Variants in STPG2 observed in about 807,000 individuals in gnomAD.
STPG2 encodes the protein sperm tail PG-rich repeat containing 2.
Under a neutral mutation model 54.2 loss-of-function variants are expected in STPG2, and 56 were observed. The observed-to-expected ratio is 1.03, with a 90% confidence interval of 0.83 to 1.29. The LOEUF (loss-of-function observed/expected upper bound fraction) is 1.29, where lower values mean the gene tolerates loss of function less well. STPG2 is among the 50% of genes most tolerant of loss of function. The probability of loss-of-function intolerance (pLI) is 0.00; values close to 1 mark genes in which losing one functional copy is unlikely to be tolerated. For missense variants in STPG2, 596 were observed against 544.9 expected, an observed-to-expected ratio of 1.09 and a Z score of -0.93; for synonymous variants, 200 against 181.8, an observed-to-expected ratio of 1.10 and a Z score of -0.81.
At chr4:97,584,622 A>G (rs1732946579) in intron 10 of STPG2, among the ~76,000 whole-genome samples, 1 of 152,002 alleles carries the variant, frequency 6.6e-6, no homozygotes, top group African/African-American at 2.4e-5. Flanking sequence ...CAAAAATGAT[A>G]GACCATTAGC....
chr4:97,900,891 T>A (rs1215787350), intron 8 of STPG2, among the ~76,000 whole-genome samples: 5 of 152,042 alleles, frequency 3.3e-5, no homozygotes, highest in Non-Finnish European at 7.4e-5. Context: ...TTTACCTATG[T>A]AACAAACCTT....
chr4:97,483,994 C>A (rs1174268469), intron 4 of STPG2, among the ~76,000 whole-genome samples: 3 of 151,702 alleles, frequency 2.0e-5, no homozygotes, highest in Non-Finnish European at 3.0e-5. Context: ...AAAACTAAAT[C>A]AAGTTGGAAA....
At chr4:97,961,985 A>C (rs1039058884) in intron 7 of STPG2, among the ~76,000 whole-genome samples, 3 of 152,188 alleles carry the variant, frequency 2.0e-5, no homozygotes, top group Admixed American at 6.5e-5. Flanking sequence ...TGAGTGGATA[A>C]AGAAACTGTG....
intron 9 of STPG2, among the ~76,000 whole-genome samples, chr4:97,751,220 G>A (rs1725572293): frequency 6.6e-6 from 1 of 151,784 alleles, no homozygotes; most frequent in Non-Finnish European, 1.5e-5. Flanking sequence ...CTGGAACATT[G>A]TGCCTAGTTC....
chr4:97,821,267 G>C (rs1375809030), intron 9 of STPG2, among the ~76,000 whole-genome samples: 3 of 152,112 alleles, frequency 2.0e-5, no homozygotes, highest in African/African-American at 7.2e-5. Flanking sequence ...AAATCTTAAG[G>C]CTCCAAAATA....
intron 7 of STPG2, among the ~76,000 whole-genome samples, chr4:97,962,132 T>A (rs375373138): frequency 1.3e-5 from 2 of 152,184 alleles, no homozygotes; most frequent in Admixed American, 6.5e-5. Flanking sequence ...TCTTATGTTC[T>A]CATTCATATG....
intron 5 of STPG2, among the ~76,000 whole-genome samples, chr4:98,096,314 C>T (rs567733848): frequency 6.6e-6 from 1 of 152,150 alleles, no homozygotes; most frequent in Admixed American, 6.6e-5. Flanking sequence ...GGAGGATCAC[C>T]TGAGCCCAGG....
At chr4:97,715,754 T>C (rs996443368) in intron 9 of STPG2, among the ~76,000 whole-genome samples, 6 of 152,128 alleles carry the variant, frequency 3.9e-5, no homozygotes, top group South Asian at 2.1e-4. Context: ...GAAGAAAACC[T>C]AGGCAATACC....
intron 8 of STPG2, among the ~76,000 whole-genome samples, chr4:97,936,457 G>A (rs534643729): frequency 5.3e-5 from 8 of 152,126 alleles, no homozygotes; most frequent in East Asian, 1.9e-4. Context: ...AAATTAATGC[G>A]GTTTCTTCAT....
chr4:97,699,269 T>C (rs1723689147), intron 10 of STPG2, among the ~76,000 whole-genome samples: 2 of 152,200 alleles, frequency 1.3e-5, no homozygotes, highest in African/African-American at 4.8e-5. Flanking sequence ...GGCCACTTTG[T>C]TCATGGGCCC....
At chr4:97,951,486 C>G (rs574333160) in intron 7 of STPG2, among the ~76,000 whole-genome samples, 1 of 152,102 alleles carries the variant, frequency 6.6e-6, no homozygotes, top group African/African-American at 2.4e-5. Flanking sequence ...TTTTATTTGA[C>G]TGTGTTTTTT....
intron 4 of STPG2, among the ~76,000 whole-genome samples, chr4:97,477,420 T>G (rs888931230): frequency 1.3e-5 from 2 of 152,034 alleles, no homozygotes; most frequent in African/African-American, 4.8e-5. Context: ...TTTTATATCA[T>G]TGTAATCTAT....
chr4:98,029,997 CT>C (rs1204551194), intron 5 of STPG2, among the ~76,000 whole-genome samples: 1 of 152,076 alleles, frequency 6.6e-6, no homozygotes, highest in Non-Finnish European at 1.5e-5. Flanking sequence ...TGTCTTTCAC[CT>C]TGGAGGGGAT....
chr4:97,905,254 T>A (rs1354771259), intron 8 of STPG2, among the ~76,000 whole-genome samples: 1 of 152,186 alleles, frequency 6.6e-6, no homozygotes, highest in Non-Finnish European at 1.5e-5. Flanking sequence ...TAACAGCGGA[T>A]GTCTCGGCAG....
At chr4:97,603,647 C>T (rs1733521647) in intron 10 of STPG2, among the ~76,000 whole-genome samples, 1 of 151,304 alleles carries the variant, frequency 6.6e-6, no homozygotes, top group South Asian at 2.1e-4. Flanking sequence ...ATATAAAATG[C>T]AATATTATTC....
chr4:98,085,257 C>T (rs1738470239), intron 5 of STPG2, among the ~76,000 whole-genome samples: 1 of 152,010 alleles, frequency 6.6e-6, no homozygotes, highest in Non-Finnish European at 1.5e-5. Context: ...TGTATGTGTG[C>T]ATCTATTTCT....
intron 9 of STPG2, among the ~76,000 whole-genome samples, chr4:97,761,807 G>A (rs980977318): frequency 6.6e-6 from 1 of 152,066 alleles, no homozygotes; most frequent in Non-Finnish European, 1.5e-5. Flanking sequence ...CTGTCCTGAG[G>A]CTTTTATCTT....
At chr4:98,017,008 T>A (rs933772423) in intron 5 of STPG2, among the ~76,000 whole-genome samples, 1 of 152,126 alleles carries the variant, frequency 6.6e-6, no homozygotes, top group Non-Finnish European at 1.5e-5. Flanking sequence ...CTTGGTCAGG[T>A]TGGCCAGGTT....
At chr4:97,838,271 C>T (rs77198800) in intron 9 of STPG2, among the ~76,000 whole-genome samples, 1,884 of 151,314 alleles carry the variant, frequency 0.012, 35 homozygotes, top group African/African-American at 0.043. Flanking sequence ...TTACTAAGAA[C>T]ATTATGATAT....
Sources: gnomAD v4.1 joint callset for allele counts (sites outside exome capture counted in the v4.1 genomes callset) on GRCh38, gnomAD v4.1.1 for gene constraint, MANE v1.5 for transcripts, NCBI Gene and HGNC (gene_info 2026-07-23, HGNC 2026-07-21) for gene names.